The following ZIM2 variants were observed in gnomAD, a reference collection of about 807,000 sequenced individuals.
The protein encoded by ZIM2 is zinc finger protein 656.
A neutral mutation model predicts 38.6 loss-of-function variants in ZIM2; 14 were observed. The observed-to-expected ratio is 0.36, with a 90% confidence interval of 0.24 to 0.57. The LOEUF is 0.57. Among genes scored for constraint, ZIM2 ranks in the 20% least tolerant of loss-of-function variants. The pLI, the probability that ZIM2 is intolerant of heterozygous loss-of-function variation, is 0.81. For synonymous variants in ZIM2, 247 were observed against 245.8 expected, an observed-to-expected ratio of 1.00 and a Z score of -0.04; for missense variants, 680 against 695.1, an observed-to-expected ratio of 0.98 and a Z score of 0.24.
intron 1 of ZIM2, among the ~76,000 whole-genome samples, chr19:56,838,470 C>A (rs1464126120): frequency 1.3e-5 from 2 of 152,144 alleles, no homozygotes; most frequent in East Asian, 3.9e-4. Context: ...CAGCCCTTAG[C>A]CCCGCCAGCA....
chr19:56,833,504 A>C (rs1209761545), intron 2 of ZIM2: 1 of 266,278 alleles, frequency 3.8e-6, no homozygotes, highest in Non-Finnish European at 7.4e-6. Context: ...CCCAGTTTAA[A>C]TGCCCGACAC....
chr19:56,778,242 C>T (rs533507765), intron 12 of ZIM2, among the ~76,000 whole-genome samples: 145 of 152,082 alleles, frequency 9.5e-4, no homozygotes, highest in Non-Finnish European at 1.5e-3. Context: ...AGTATCTGGC[C>T]CACCACAGAA....
chr19:56,835,069 C>A (rs1304288373), intron 2 of ZIM2, among the ~76,000 whole-genome samples: 1 of 152,080 alleles, frequency 6.6e-6, no homozygotes, highest in Non-Finnish European at 1.5e-5. Context: ...CTCCTCAACA[C>A]CTCTCAAATA....
In ZIM2 at chr19:56,775,000, A is replaced by G. The variant is rs534616777; in HGVS notation, c.1365T>C (p.Asn455=). ...CFQCGKAFLQ[N]VHLLQHLKAH... Reference sequence around the variant, plus strand: ...CTTTGAGATGTTGAAGAAGATGCACATTCTGGAGAAAAGCTTTGCCGCACT... The same window carrying G: ...CTTTGAGATGTTGAAGAAGATGCACGTTCTGGAGAAAAGCTTTGCCGCACT... Residue 455 remains asparagine (N), a synonymous_variant, in exon 13 of 13, where the codon AAT becomes AAC. Coordinates refer to ENST00000629319, the MANE Select transcript of ZIM2 (RefSeq NM_001387356.1). 3.7e-6 allele frequency: 6 copies of G among 1,614,186 alleles called. No homozygotes were observed. The Admixed American group carries it at 6.7e-5, about 18-fold the overall frequency.
intron 10 of ZIM2, among the ~76,000 whole-genome samples, chr19:56,783,559 G>A (rs184059008): frequency 2.8e-4 from 42 of 152,296 alleles, no homozygotes; most frequent in Admixed American, 2.1e-3. Flanking sequence ...TATCCTAAGC[G>A]AACTAACGCA....
At chr19:56,815,919 G>A in intron 9 of ZIM2, 2 of 1,610,046 alleles carry the variant, frequency 1.2e-6, no homozygotes, top group Non-Finnish European at 1.7e-6. Flanking sequence ...TTGGAGGTTT[G>A]GAAGCCACTA....
chr19:56,810,678 CTATT>C, intron 9 of ZIM2: 4 of 971,366 alleles, frequency 4.1e-6, no homozygotes, highest in Non-Finnish European at 4.9e-6. Flanking sequence ...AATGACAACA[CTATT>C]TTAGTTATTT....
At position 56,815,917 on chromosome 19, in the gene ZIM2, T is replaced by C. The variant is rs112514758; in HGVS notation, c.490+1829A>G. 15 of 1,610,722 alleles carry C rather than the reference T, an allele frequency of 9.3e-6. No homozygotes were observed. Among genetic ancestry groups the C allele is most frequent in the Admixed American group, 1.7e-5 (1 of 59,742 alleles). Reference sequence around the variant, plus strand: ...ATTTCCATTGTGACTTCTTGGAGGTTTGGAAGCCACTAAGCTATGGATAAC... The same window carrying C: ...ATTTCCATTGTGACTTCTTGGAGGTCTGGAAGCCACTAAGCTATGGATAAC... On this transcript the variant is annotated intron_variant, in intron 9 of 12. Coordinates refer to ENST00000629319, the MANE Select transcript of ZIM2 (RefSeq NM_001387356.1).
chr19:56,818,943 A>C (rs1022680978), intron 7 of ZIM2, among the ~76,000 whole-genome samples: 1 of 152,210 alleles, frequency 6.6e-6, no homozygotes. Context: ...CATGCAGCTT[A>C]TAATTTGGTT....
chr19:56,831,874 A>C (rs1248905079), intron 2 of ZIM2, among the ~76,000 whole-genome samples: 1 of 152,238 alleles, frequency 6.6e-6, no homozygotes, highest in Non-Finnish European at 1.5e-5. Flanking sequence ...ATTTACGTGT[A>C]CACAGAGAAT....
intron 2 of ZIM2, chr19:56,833,683 G>A: frequency 6.0e-6 from 1 of 166,392 alleles, no homozygotes; most frequent in East Asian, 1.7e-4. Flanking sequence ...TGGTTCCCCA[G>A]GAAAGAAGCA....
At chr19:56,839,368 C>A (rs572790462) in intron 1 of ZIM2, among the ~76,000 whole-genome samples, 1 of 151,106 alleles carries the variant, frequency 6.6e-6, no homozygotes, top group African/African-American at 2.4e-5. Flanking sequence ...CCAACCAGGG[C>A]AGCACCTGCA....
At chr19:56,816,103 T>C (rs1484700953) in intron 9 of ZIM2, 2 of 1,611,242 alleles carry the variant, frequency 1.2e-6, no homozygotes, top group Admixed American at 3.3e-5. Context: ...GGCTAAGCTA[T>C]GAATAACAGA....
chr19:56,810,355 C>T lies in ZIM2; in HGVS notation c.490+7391G>A, dbSNP rs1231820452. ...TAGAATGATGACCTTTCAAGGAAAC[C>T]GAAACAAAATAACCATAATCCCACA... is the stretch of plus-strand genomic sequence containing the variant. On this transcript the variant is annotated intron_variant, in intron 9 of 12. Transcript: ENST00000629319. The T allele has an allele frequency of 1.0e-5, 10 of 985,094 alleles. 1 individual carries two copies. The highest frequency in any genetic ancestry group is 1.1e-4 in the East Asian group (1 of 8,824). The allele number at this position is 985,094 out of a possible 1,614,324, so 61.0% of individuals were successfully genotyped here.
intron 10 of ZIM2, chr19:56,782,502 A>G (rs1165862328): frequency 2.2e-6 from 1 of 452,472 alleles, no homozygotes; most frequent in Non-Finnish European, 4.4e-6. Context: ...AACATGAAGA[A>G]ATATTCAATC....
intron 9 of ZIM2, among the ~76,000 whole-genome samples, chr19:56,800,243 T>C (rs995243994): frequency 2.6e-5 from 4 of 152,084 alleles, no homozygotes; most frequent in Non-Finnish European, 1.5e-5. Flanking sequence ...TAAGTACATA[T>C]AAATGGGAAA....
chr19:56,776,777 A>G (rs1016262512), intron 12 of ZIM2, among the ~76,000 whole-genome samples: 2 of 152,212 alleles, frequency 1.3e-5, no homozygotes, highest in Admixed American at 1.3e-4. Flanking sequence ...GACTCCACTT[A>G]GGAACAGAAA....
intron 9 of ZIM2, among the ~76,000 whole-genome samples, chr19:56,802,734 T>C (rs1260528415): frequency 6.6e-6 from 1 of 152,186 alleles, no homozygotes; most frequent in Non-Finnish European, 1.5e-5. Context: ...GCAACTGACA[T>C]TTACTGTGTT....
intron 6 of ZIM2, chr19:56,822,442 T>C: frequency 3.2e-6 from 1 of 315,754 alleles, no homozygotes; most frequent in East Asian, 6.0e-5. Context: ...CTATGGCACT[T>C]CATACTAGTT....
Sources: gnomAD v4.1 joint callset for allele counts (sites outside exome capture counted in the v4.1 genomes callset) on GRCh38, gnomAD v4.1.1 for gene constraint, MANE v1.5 for transcripts, NCBI Gene and HGNC (gene_info 2026-07-23, HGNC 2026-07-21) for gene names.